Variants in VLDLR observed in about 807,000 individuals in gnomAD.
VLDLR encodes the protein very low-density lipoprotein receptor.
A neutral mutation model predicts 112.7 loss-of-function variants in VLDLR; 81 were observed. That is an observed-to-expected ratio of 0.72 (90% CI 0.60 to 0.86). VLDLR has a LOEUF of 0.86. Among genes scored for constraint, VLDLR ranks in the 40% least tolerant of loss-of-function variants. The pLI is 0.00. For missense variants in VLDLR, 1,237 were observed against 1,099.4 expected, an observed-to-expected ratio of 1.13 and a Z score of -1.77; for synonymous variants, 436 against 384.8, an observed-to-expected ratio of 1.13 and a Z score of -1.56.
At chr9:2,653,675 A>C (rs1239058400) in intron 18 of VLDLR, among the ~76,000 whole-genome samples, 158 bp from the exon 19 acceptor site, 1 of 152,224 alleles carries the variant, frequency 6.6e-6, no homozygotes, top group Non-Finnish European at 1.5e-5. Flanking sequence ...TAAATGCATG[A>C]ATGATACAAC....
chr9:2,651,506 G>T lies in VLDLR; in HGVS notation c.2335+8G>T. The T allele has an allele frequency of 1.9e-6, 3 of 1,609,358 alleles. No homozygotes were observed. The highest frequency in any genetic ancestry group is 2.6e-6 in the Non-Finnish European group (3 of 1,176,004). ...GTGGACTAGTTCCTGGAGGTATTGA[G>T]TTCAGTACTGCAAACTGTTAATCTC... On this transcript the variant is annotated splice_region_variant and intron_variant, in intron 16 of 18. Coordinates refer to ENST00000382100, the MANE Select transcript of VLDLR (RefSeq NM_003383.5).
chr9:2,659,597 T>C lies in VLDLR; in HGVS notation c.*5729T>C, dbSNP rs1343864257. 3.9e-5 allele frequency: 6 copies of C among 152,336 alleles called. No homozygotes were observed. The highest frequency in any genetic ancestry group is 2.6e-4 in the Admixed American group (4 of 15,304). 9.4% of individuals were successfully genotyped at this position (152,336 alleles called of 1,614,324 possible). ...CAACTTCATTCCTATGTATAAGATA[T>C]TGGGAGAAAACAAACTGTACCACAA... On this transcript the variant is annotated 3_prime_UTR_variant, in exon 19 of 19. Coordinates refer to ENST00000382100, the MANE Select transcript of VLDLR (RefSeq NM_003383.5).
intron 1 of VLDLR, among the ~76,000 whole-genome samples, chr9:2,624,867 T>C (rs1817019758): frequency 6.6e-6 from 1 of 152,226 alleles, no homozygotes; most frequent in Non-Finnish European, 1.5e-5. Flanking sequence ...AACAGCTTCA[T>C]GAAATCCAGT....
At position 2,647,456 on chromosome 9, in the gene VLDLR, T is replaced by C. The variant is rs1487877884; in HGVS notation, c.1704-18T>C. 1 of 1,604,908 alleles carries C rather than the reference T, an allele frequency of 6.2e-7. No individual in the cohort carries two copies. The highest frequency in any genetic ancestry group is 8.5e-7 in the Non-Finnish European group (1 of 1,171,630). On this transcript the variant is annotated intron_variant, in intron 11 of 18. Transcript: ENST00000382100. ...CTTCTAAACCACTGAGGCTTATTTC[T>C]CATTTAATTTTTCACAGCTTTGTTT...
intron 2 of VLDLR, among the ~76,000 whole-genome samples, chr9:2,637,533 G>A (rs1265739905): frequency 1.3e-5 from 2 of 152,150 alleles, no homozygotes; most frequent in South Asian, 2.1e-4. Flanking sequence ...CCCAGTCTAT[G>A]CTCCAAATGA....
At chr9:2,622,455 G>C (rs1208719697) in intron 1 of VLDLR, 184 bp downstream of exon 1, 1 of 520,306 alleles carries the variant, frequency 1.9e-6, no homozygotes, top group East Asian at 3.6e-5. Flanking sequence ...AAAGGGAGCC[G>C]GGCTTGGGGA....
intron 2 of VLDLR, among the ~76,000 whole-genome samples, chr9:2,639,374 T>C (rs35848322): frequency 4.1e-4 from 63 of 152,288 alleles, no homozygotes; most frequent in African/African-American, 1.4e-3. Flanking sequence ...CCAGAGGCCC[T>C]ACCTCCTAAT....
intron 3 of VLDLR, 137 bp from the exon 4 acceptor site, chr9:2,641,240 G>A: frequency 7.3e-7 from 1 of 1,373,328 alleles, no homozygotes; most frequent in African/African-American, 1.4e-5. Flanking sequence ...AGCTCCCCGG[G>A]CTTCAGCCAG....
rs35774247 is a variant in VLDLR at position 2,650,781 on chromosome 9, A to C, written c.2251+265A>C. Among the ~76,000 whole-genome samples the C allele has an allele frequency of 0.055, 8,430 of 152,258 alleles. 315 individuals carry two copies. Among genetic ancestry groups the C allele is most frequent in the African/African-American group, 0.11 (4,578 of 41,526 alleles). On this transcript the variant is annotated intron_variant, in intron 15 of 18. Transcript: ENST00000382100. The stretch of plus-strand genomic sequence containing the variant: ...GTCCCTTAACAGCACTGAGCTAGCC[A>C]ACTTGCAGGTAATTAAATGAGGCCT...
At position 2,648,233 on chromosome 9, in the gene VLDLR, G is replaced by T; in HGVS notation, c.1848G>T (p.Trp616Cys). Reference sequence around the variant, plus strand: ...ACCTTATAAAAAGTCGCCTCTATTGGCTTGATTCTAAGTTGCACATGTTAT... The same window carrying T: ...ACCTTATAAAAAGTCGCCTCTATTGTCTTGATTCTAAGTTGCACATGTTAT... ...TLDLIKSRLY[W>C]LDSKLHMLSS... The change falls in exon 13 of 19, where the codon TGG becomes TGT. Residue 616 changes from tryptophan to cysteine, a missense_variant. Coordinates refer to ENST00000382100, the MANE Select transcript of VLDLR (RefSeq NM_003383.5). The T allele has an allele frequency of 6.2e-7, 1 of 1,614,140 alleles. No individual in the cohort carries two copies. The highest frequency in any genetic ancestry group is 2.2e-5 in the East Asian group (1 of 44,884).
At position 2,651,444 on chromosome 9, in the gene VLDLR, A is replaced by T. The variant is rs1352359712; in HGVS notation, c.2281A>T (p.Thr761Ser). ...STATTVTYSE[T>S]KDTNTTEISA... ...TGCAACTACTGTGACTTACAGTGAG[A>T]CAAAAGATACGAACACAACAGAAAT... Residue 761 changes from threonine (T) to serine (S), a missense_variant, in exon 16 of 19, where the codon ACA becomes TCA. Coordinates refer to ENST00000382100, the MANE Select transcript of VLDLR (RefSeq NM_003383.5). 1 of 1,614,082 alleles carries T rather than the reference A, an allele frequency of 6.2e-7. No homozygotes were observed. The highest frequency in any genetic ancestry group is 1.7e-5 in the Admixed American group (1 of 60,026).
At chr9:2,641,534 G>C (rs764252855) in intron 4 of VLDLR, 35 bp downstream of exon 4, 1 of 1,613,326 alleles carries the variant, frequency 6.2e-7, no homozygotes. Context: ...GTAACCCAAA[G>C]ACCCTTTTCC....
chr9:2,633,047 A>AGTGTGTGTGTGTGTGTGTGTGTGT (rs780332222), intron 1 of VLDLR, among the ~76,000 whole-genome samples: 3 of 95,468 alleles, frequency 3.1e-5, no homozygotes, highest in Admixed American at 3.1e-4. Flanking sequence ...AGAGAGAGAG[A>AGTGTGTGTGTGTGTGTGTGTGTGT]GAGAGTGTGT....
At chr9:2,640,298 A>T (rs1817770166) in intron 3 of VLDLR, among the ~76,000 whole-genome samples, 2 of 152,336 alleles carry the variant, frequency 1.3e-5, no homozygotes, top group South Asian at 4.1e-4. Flanking sequence ...AACTGAGCAG[A>T]TGGTACTCTG....
Position 2,645,681 on chromosome 9 carries a change from C to T in VLDLR, c.1420C>T (p.Leu474Phe). Residue 474 changes from leucine to phenylalanine, a missense_variant, in exon 10 of 19, where the codon CTC becomes TTC. Leu to Phe is a conservative substitution (Grantham distance 22). Coordinates refer to ENST00000382100, the MANE Select transcript of VLDLR (RefSeq NM_003383.5). The part of the protein sequence containing the change: ...LVEQLRNTVA[L>F]DADIAAQKLF... The stretch of plus-strand genomic sequence containing the variant: ...TGAACAGCTAAGAAACACTGTGGCT[C>T]TCGATGCTGACATTGCTGCCCAGAA... 6.2e-7 allele frequency: 1 copy of T among 1,614,178 alleles called. No individual in the cohort carries two copies. Among genetic ancestry groups the T allele is most frequent in the Non-Finnish European group, 8.5e-7 (1 of 1,180,038 alleles).
In VLDLR at chr9:2,657,007, G is replaced by T. The variant is rs78089664; in HGVS notation, c.*3139G>T. 3 of 140,318 alleles carry T rather than the reference G, an allele frequency of 2.1e-5. No individual in the cohort carries two copies. The highest frequency in any genetic ancestry group is 2.2e-4 in the East Asian group (1 of 4,456). The allele number at this position is 140,318 out of a possible 1,614,324, so 8.7% of individuals were successfully genotyped here. Reference sequence around the variant, plus strand: ...ACTTTGGCATTTGCTTCTGTTCCTTGTATCTGTGGAAGTCAAGTAGCCCTT... The same window carrying T: ...ACTTTGGCATTTGCTTCTGTTCCTTTTATCTGTGGAAGTCAAGTAGCCCTT... On this transcript the variant is annotated 3_prime_UTR_variant, in exon 19 of 19. Transcript: ENST00000382100.
chr9:2,627,846 C>T (rs1817163489), intron 1 of VLDLR, among the ~76,000 whole-genome samples: 1 of 139,640 alleles, frequency 7.2e-6, no homozygotes, highest in East Asian at 2.1e-4. Context: ...GCCTGGGCTA[C>T]AGTGCGAGAA....
intron 1 of VLDLR, among the ~76,000 whole-genome samples, chr9:2,632,619 C>G (rs1563749743): frequency 6.6e-6 from 1 of 152,224 alleles, no homozygotes; most frequent in South Asian, 2.1e-4. Context: ...TCATTTGGTG[C>G]TTTCAGTTCT....
chr9:2,648,656 G>C lies in VLDLR; in HGVS notation c.1963-13G>C. Reference sequence around the variant, plus strand: ...TCCTGGATGTACATGCTAATTGTGGGCTTCTGTTTTAGGATCGTGTCTACT... The same window carrying C: ...TCCTGGATGTACATGCTAATTGTGGCCTTCTGTTTTAGGATCGTGTCTACT... On this transcript the variant is annotated splice_polypyrimidine_tract_variant and intron_variant, in intron 13 of 18. Coordinates refer to ENST00000382100, the MANE Select transcript of VLDLR (RefSeq NM_003383.5). 1 of 1,614,152 alleles carries C rather than the reference G, an allele frequency of 6.2e-7. No individual in the cohort carries two copies. The highest frequency in any genetic ancestry group is 8.5e-7 in the Non-Finnish European group (1 of 1,180,024).
Sources: gnomAD v4.1 joint callset for allele counts (sites outside exome capture counted in the v4.1 genomes callset) on GRCh38, gnomAD v4.1.1 for gene constraint, MANE v1.5 for transcripts, NCBI Gene and HGNC (gene_info 2026-07-23, HGNC 2026-07-21) for gene names.